Variants in POLDIP3 observed in about 807,000 individuals in gnomAD.
POLDIP3 encodes polymerase delta-interacting protein 3.
POLDIP3 carries 14 observed loss-of-function variants against 45.1 expected under a neutral mutation model. That is an observed-to-expected ratio of 0.31 (90% CI 0.20 to 0.49). The LOEUF (loss-of-function observed/expected upper bound fraction) is 0.49. Among genes scored for constraint, POLDIP3 ranks in the 20% least tolerant of loss-of-function variants. The pLI is 0.99. For missense variants in POLDIP3, 511 were observed against 538.8 expected (o/e 0.95, Z 0.51); for synonymous variants, 223 against 205.2 (o/e 1.09, Z -0.74).
intron 1 of POLDIP3, among the ~76,000 whole-genome samples, chr22:42,609,186 T>C (rs1487442471): frequency 6.6e-6 from 1 of 152,208 alleles, no homozygotes; most frequent in African/African-American, 2.4e-5. Flanking sequence ...GCTGCAGCCT[T>C]ACTCCCCACT....
intron 7 of POLDIP3, among the ~76,000 whole-genome samples, chr22:42,589,212 C>T (rs1026500856): frequency 2.0e-5 from 3 of 148,550 alleles, no homozygotes; most frequent in African/African-American, 7.5e-5. Context: ...CACTGCATTC[C>T]AGCCTGGGCG....
rs557098797 is a variant in POLDIP3, at chr22:42,601,534, G to A, written c.537+436C>T. Among the ~76,000 whole-genome samples, 8 of 151,928 alleles carry A rather than the reference G, an allele frequency of 5.3e-5. No homozygotes were observed. The East Asian group carries it at 5.8e-4, about 11-fold the overall frequency. ...TCCCAGCACTTTGGGAGGCTGAGGC[G>A]GGGGGATCACAAGGTCAAGAAATTG... is the stretch of plus-strand genomic sequence containing the variant. On this transcript the variant is annotated intron_variant, in intron 3 of 8. Transcript: ENST00000252115.
chr22:42,598,911 G>T (rs1926170443), intron 4 of POLDIP3, among the ~76,000 whole-genome samples: 1 of 152,188 alleles, frequency 6.6e-6, no homozygotes, highest in Admixed American at 6.5e-5. Flanking sequence ...TCTGCATGAT[G>T]TCTGACCAAC....
chr22:42,587,916 TC>T (rs1367198074), intron 7 of POLDIP3, among the ~76,000 whole-genome samples: 1 of 152,078 alleles, frequency 6.6e-6, no homozygotes, highest in African/African-American at 2.4e-5. Context: ...GAAAAGATGA[TC>T]AAAAGCATTA....
At chr22:42,596,066 A>T in intron 5 of POLDIP3, 120 bp downstream of exon 5, 10 of 1,145,176 alleles carry the variant, frequency 8.7e-6, no homozygotes. Context: ...TGGTTTGCTC[A>T]TCTGTAGAAT....
At chr22:42,600,160 G>A (rs1363839371) in intron 3 of POLDIP3, among the ~76,000 whole-genome samples, 1 of 152,214 alleles carries the variant, frequency 6.6e-6, no homozygotes, top group Non-Finnish European at 1.5e-5. Context: ...TTACAAAGAT[G>A]TTCACAGCAG....
At position 42,584,625 on chromosome 22, in the gene POLDIP3, A is replaced by G. The variant is rs142707922; in HGVS notation, c.*1166T>C. ...TCATTCAGGGACTGCCTGGGCTCTG[A>G]AGTTTCGTCCCAACTGTCTGCGCCT... On this transcript the variant is annotated 3_prime_UTR_variant, in exon 9 of 9. Transcript: ENST00000252115. The G allele has an allele frequency of 5.6e-4, 183 of 326,440 alleles. 2 individuals are homozygous for G. In the East Asian group the frequency reaches 0.016, roughly 29 times the overall value. The allele number at this position is 326,440 out of a possible 1,614,324, so 20.2% of individuals were successfully genotyped here.
intron 1 of POLDIP3, among the ~76,000 whole-genome samples, chr22:42,604,787 A>C (rs943764356): frequency 1.3e-5 from 2 of 152,216 alleles, no homozygotes; most frequent in Admixed American, 6.5e-5. Context: ...TGCTGCCTCC[A>C]ATATGCCAGT....
At chr22:42,612,457 T>C (rs1927184868) in intron 1 of POLDIP3, among the ~76,000 whole-genome samples, 1 of 152,246 alleles carries the variant, frequency 6.6e-6, no homozygotes, top group Non-Finnish European at 1.5e-5. Flanking sequence ...GGGCGTTGTG[T>C]GCTTCTATGC....
rs1925228280 is a variant in POLDIP3 at position 42,585,246 on chromosome 22, G to A, written c.*545C>T. 1.9e-6 allele frequency: 1 copy of A among 515,984 alleles called. No homozygotes were observed. Among genetic ancestry groups the A allele is most frequent in the Non-Finnish European group, 3.9e-6 (1 of 258,752 alleles). 32.0% of individuals were successfully genotyped at this position (515,984 alleles called of 1,614,324 possible). The stretch of plus-strand genomic sequence containing the variant: ...GGAGCCACTGGGGAGAGGACAAGAG[G>A]CCTGAGACCTGCTCCCCACCCAGGC... On this transcript the variant is annotated 3_prime_UTR_variant, in exon 9 of 9. Transcript: ENST00000252115.
rs1309013874 is a variant in POLDIP3, at chr22:42,585,618, G to A, written c.*173C>T. ...GTTAACGTAGAGAGAAGAGCACAGG[G>A]CAGAACACAACACAGAAAGGCGGGT... On this transcript the variant is annotated 3_prime_UTR_variant, in exon 9 of 9. Transcript: ENST00000252115. The A allele has an allele frequency of 7.0e-6, 5 of 716,006 alleles. No homozygotes were observed. Among genetic ancestry groups the A allele is most frequent in the Non-Finnish European group, 1.2e-5 (5 of 418,842 alleles). 44.4% of individuals were successfully genotyped at this position (716,006 alleles called of 1,614,324 possible). A position where few individuals can be genotyped will look rare whatever the true frequency, so the allele number is the denominator to read the frequency against.
chr22:42,609,279 G>C (rs1330068687), intron 1 of POLDIP3, among the ~76,000 whole-genome samples: 1 of 152,220 alleles, frequency 6.6e-6, no homozygotes, highest in Admixed American at 6.5e-5. Flanking sequence ...GGAAGGTTTT[G>C]ACTGAGTCTC....
Position 42,601,950 on chromosome 22 carries a change from CT to C in POLDIP3, c.537+19del. 1 of 1,611,488 alleles carries C rather than the reference CT, an allele frequency of 6.2e-7. No individual in the cohort carries two copies. On this transcript the variant is annotated intron_variant, in intron 3 of 8. Coordinates refer to ENST00000252115, the MANE Select transcript of POLDIP3 (RefSeq NM_032311.5). Reference sequence around the variant, plus strand: ...ATGTACACACAGATTCTCTCTCTCTCTCTCACTCACTCACTCTACCTGTTTG... The same window carrying C: ...ATGTACACACAGATTCTCTCTCTCTCCTCACTCACTCACTCTACCTGTTTG...
At chr22:42,601,866 C>G (rs1035613026) in intron 3 of POLDIP3, 104 bp downstream of exon 3, 4 of 1,368,234 alleles carry the variant, frequency 2.9e-6, no homozygotes, top group Non-Finnish European at 4.0e-6. Context: ...ACTGAGCAAG[C>G]CTCAGTCCAT....
At chr22:42,604,276 C>T (rs1233724584) in intron 1 of POLDIP3, among the ~76,000 whole-genome samples, 2 of 152,162 alleles carry the variant, frequency 1.3e-5, no homozygotes, top group Admixed American at 6.5e-5. Context: ...TCTCTCCCTA[C>T]CCTGGGTGGG....
intron 8 of POLDIP3, among the ~76,000 whole-genome samples, chr22:42,587,238 C>T (rs1031315021): frequency 1.3e-5 from 2 of 152,180 alleles, no homozygotes; most frequent in Admixed American, 6.5e-5. Context: ...CCCAAGCAGC[C>T]TCCCCCTCCA....
rs1569296592 is a variant in POLDIP3 at position 42,591,945 on chromosome 22, C to T, written c.1021+10G>A. 1 of 1,614,016 alleles carries T rather than the reference C, an allele frequency of 6.2e-7. No individual in the cohort carries two copies. Among genetic ancestry groups the T allele is most frequent in the Non-Finnish European group, 8.5e-7 (1 of 1,180,000 alleles). On this transcript the variant is annotated intron_variant, in intron 7 of 8. Coordinates refer to ENST00000252115, the MANE Select transcript of POLDIP3 (RefSeq NM_032311.5). ...GGGAGGGTCAGGGGACTGCTTTCTC[C>T]CTAACTTACCGTCCAGACACCGGTT...
At chr22:42,595,468 T>G in intron 6 of POLDIP3, 69 bp downstream of exon 6, 5 of 1,385,782 alleles carry the variant, frequency 3.6e-6, no homozygotes, top group Non-Finnish European at 5.1e-6. Context: ...AACCTGAGGG[T>G]GGGTCTTAAG....
intron 7 of POLDIP3, among the ~76,000 whole-genome samples, chr22:42,589,165 C>T (rs1161254135): frequency 2.0e-5 from 3 of 151,800 alleles, no homozygotes; most frequent in Non-Finnish European, 4.4e-5. Context: ...ATCGCTTGAA[C>T]CTGGGAGGAA....
Sources: allele counts gnomAD v4.1 joint callset (sites outside exome capture counted in the v4.1 genomes callset), GRCh38; gene constraint gnomAD v4.1.1; transcripts MANE v1.5; gene names NCBI Gene and HGNC (gene_info 2026-07-23, HGNC 2026-07-21).